AFG1L: variants seen among roughly 807,000 people sequenced by gnomAD.
The protein encoded by AFG1L is AFG1-like ATPase.
In AFG1L, 53 loss-of-function variants were observed where a neutral mutation model predicts 62.2. The observed-to-expected ratio is 0.85, with a 90% confidence interval of 0.68 to 1.07. AFG1L has a LOEUF of 1.07. Ranked by LOEUF, AFG1L falls within the 50% of genes least tolerant of loss-of-function variation. The pLI, the probability that AFG1L is intolerant of heterozygous loss-of-function variation, is 0.00. For missense variants in AFG1L, 555 were observed against 590.5 expected, an observed-to-expected ratio of 0.94 and a Z score of 0.62; for synonymous variants, 228 against 210.3, an observed-to-expected ratio of 1.08 and a Z score of -0.73.
chr6:108,426,442 T>C (rs929931994), intron 7 of AFG1L, among the ~76,000 whole-genome samples: 5 of 152,178 alleles, frequency 3.3e-5, no homozygotes, highest in African/African-American at 1.2e-4. Flanking sequence ...AGTATAGTTA[T>C]AAAAAAGATC....
chr6:108,522,203 C>G lies in AFG1L; in HGVS notation c.1318-94C>G, dbSNP rs1464107265. ...TTATAAAAAAAGGCATAATCTAAAC[C>G]GGTAAGCCTAAAAAGTTTTTTTAAA... On this transcript the variant is annotated intron_variant, in intron 12 of 12. Coordinates refer to ENST00000368977, the MANE Select transcript of AFG1L (RefSeq NM_145315.5). The G allele has an allele frequency of 1.1e-5, 12 of 1,141,890 alleles. No homozygotes were observed. In the South Asian group the frequency reaches 1.7e-4, roughly 16 times the overall value. The allele number at this position is 1,141,890 out of a possible 1,614,324, so 70.7% of individuals were successfully genotyped here.
intron 3 of AFG1L, among the ~76,000 whole-genome samples, chr6:108,349,602 G>A (rs971178883): frequency 1.1e-4 from 16 of 151,834 alleles, no homozygotes; most frequent in African/African-American, 3.9e-4. Context: ...TTCCTTTGTT[G>A]GACTTGGGAA....
intron 8 of AFG1L, among the ~76,000 whole-genome samples, chr6:108,473,497 C>T (rs1772983700): frequency 6.6e-6 from 1 of 152,212 alleles, no homozygotes. Flanking sequence ...GCAGACCATA[C>T]TGAGTGGGTG....
At chr6:108,356,978 C>T (rs185283463) in intron 5 of AFG1L, among the ~76,000 whole-genome samples, 158 bp downstream of exon 5, 1 of 152,302 alleles carries the variant, frequency 6.6e-6, no homozygotes, top group Non-Finnish European at 1.5e-5. Flanking sequence ...TGGCAAATCA[C>T]AACCTGCACA....
Position 108,401,996 on chromosome 6 carries a change from A to C in AFG1L, c.749A>C (p.Asp250Ala), listed in dbSNP as rs761291392. The change falls in exon 7 of 13, where the codon GAT (aspartate) becomes GCT (alanine). Residue 250 changes from aspartate (D) to alanine (A), a missense_variant and splice_region_variant. Coordinates refer to ENST00000368977, the MANE Select transcript of AFG1L (RefSeq NM_145315.5). ...VVATSNRPPE[D>A]LYKNGLQRAN... is the part of the protein sequence containing the mutation. ...AACTAATATCATTTTTTTCTTTCAG[A>C]TCTCTATAAAAATGGACTCCAAAGA... 7.0e-7 allele frequency: 1 copy of C among 1,427,500 alleles called. No individual in the cohort carries two copies. Among genetic ancestry groups the C allele is most frequent in the Admixed American group, 2.2e-5 (1 of 44,934 alleles). The allele number at this position is 1,427,500 out of a possible 1,614,324, so 88.4% of individuals were successfully genotyped here. A position where few individuals can be genotyped will look rare whatever the true frequency, so the allele number is the denominator to read the frequency against.
chr6:108,324,918 C>G (rs1301772558), intron 2 of AFG1L, among the ~76,000 whole-genome samples: 1 of 152,132 alleles, frequency 6.6e-6, no homozygotes, highest in East Asian at 1.9e-4. Flanking sequence ...GTCTTGAACT[C>G]CTGACCTCAA....
intron 3 of AFG1L, among the ~76,000 whole-genome samples, chr6:108,347,456 A>G (rs1337126944): frequency 6.6e-6 from 1 of 152,176 alleles, no homozygotes; most frequent in Non-Finnish European, 1.5e-5. Context: ...CCTTGGATGA[A>G]TAATTTAGTC....
chr6:108,366,326 C>A lies in AFG1L; in HGVS notation c.742C>A (p.Pro248Thr). Residue 248 changes from proline to threonine, a missense_variant, in exon 6 of 13, where the codon CCG (proline) becomes ACG (threonine). Pro to Thr is a conservative substitution (Grantham distance 38, BLOSUM62 -1). Coordinates refer to ENST00000368977, the MANE Select transcript of AFG1L (RefSeq NM_145315.5). ...VVVVATSNRP[P>T]EDLYKNGLQR... ...CGTTGTGGCAACATCCAACAGGCCA[C>A]CGGAAGGTAAAAACAAACATTGTGC... 6.2e-7 allele frequency: 1 copy of A among 1,608,036 alleles called. No homozygotes were observed. The highest frequency in any genetic ancestry group is 8.5e-7 in the Non-Finnish European group (1 of 1,175,340).
chr6:108,519,364 A>G (rs982756560), intron 11 of AFG1L, among the ~76,000 whole-genome samples: 2 of 152,222 alleles, frequency 1.3e-5, no homozygotes. Context: ...CATTCAAACC[A>G]GAGCAGTAAT....
chr6:108,405,654 A>G (rs1229414756), intron 7 of AFG1L, among the ~76,000 whole-genome samples: 1 of 152,154 alleles, frequency 6.6e-6, no homozygotes, highest in Non-Finnish European at 1.5e-5. Flanking sequence ...GCCTATTTTA[A>G]TGATTTTTAA....
At chr6:108,318,755 C>G (rs1777701162) in intron 1 of AFG1L, among the ~76,000 whole-genome samples, 2 of 152,166 alleles carry the variant, frequency 1.3e-5, no homozygotes, top group Admixed American at 1.3e-4. Flanking sequence ...TAAAATCTTT[C>G]ATTTATGTTT....
chr6:108,353,057 T>C (rs1433785482), intron 3 of AFG1L, among the ~76,000 whole-genome samples: 1 of 152,186 alleles, frequency 6.6e-6, no homozygotes, highest in Non-Finnish European at 1.5e-5. Flanking sequence ...GCTGTGAATA[T>C]TGAAGTGTAA....
intron 1 of AFG1L, among the ~76,000 whole-genome samples, chr6:108,301,554 T>C (rs1186594402): frequency 6.6e-6 from 1 of 152,238 alleles, no homozygotes; most frequent in Non-Finnish European, 1.5e-5. Flanking sequence ...GCAAGGGCCA[T>C]TCATAACTCT....
intron 7 of AFG1L, among the ~76,000 whole-genome samples, chr6:108,437,431 G>T (rs1039667296): frequency 1.3e-5 from 2 of 152,092 alleles, no homozygotes; most frequent in African/African-American, 2.4e-5. Flanking sequence ...GCTTTGAAGG[G>T]TCTGTGAGTA....
At chr6:108,490,861 A>G (rs549444210) in intron 10 of AFG1L, among the ~76,000 whole-genome samples, 280 of 152,328 alleles carry the variant, frequency 1.8e-3, no homozygotes, top group Admixed American at 8.0e-3. Flanking sequence ...CTCTAAGAAT[A>G]TCTCTCTCTA....
intron 1 of AFG1L, among the ~76,000 whole-genome samples, chr6:108,301,435 A>G (rs773619316): frequency 6.6e-6 from 1 of 152,202 alleles, no homozygotes; most frequent in Non-Finnish European, 1.5e-5. Flanking sequence ...ACAAAGATCT[A>G]TCTTCTGCAA....
chr6:108,376,278 ATTCT>A (rs1307613680), intron 6 of AFG1L, among the ~76,000 whole-genome samples: 2 of 151,764 alleles, frequency 1.3e-5, no homozygotes, highest in South Asian at 4.2e-4. Context: ...GGTTTCGCTG[ATTCT>A]TTGTGTGGAT....
At chr6:108,448,677 T>G (rs1204077122) in intron 8 of AFG1L, among the ~76,000 whole-genome samples, 1 of 152,186 alleles carries the variant, frequency 6.6e-6, no homozygotes, top group Non-Finnish European at 1.5e-5. Context: ...TGTCTCTGAC[T>G]TACCCTGTGT....
rs547011108 is a variant in AFG1L at position 108,448,645 on chromosome 6, T to C, written c.890+1349T>C. On this transcript the variant is annotated intron_variant, in intron 8 of 12. Transcript: ENST00000368977. ...TTACTGGAGGTGAAAAGGCTACTTT[T>C]GCTTGGAGCGTAGCCATTTTTTGTC... 1.1e-4 allele frequency among the ~76,000 whole-genome samples: 16 copies of C among 152,322 alleles called. No homozygotes were observed. The East Asian group carries it at 3.1e-3, about 29-fold the overall frequency.
Sources: allele counts gnomAD v4.1 joint callset (sites outside exome capture counted in the v4.1 genomes callset), GRCh38; gene constraint gnomAD v4.1.1; transcripts MANE v1.5; gene names NCBI Gene and HGNC (gene_info 2026-07-23, HGNC 2026-07-21).